FAM13C: variants seen among roughly 807,000 people sequenced by gnomAD.
FAM13C encodes family with sequence similarity 13 member C, also known as protein FAM13C.
A neutral mutation model predicts 73.2 loss-of-function variants in FAM13C; 37 were observed. The observed-to-expected ratio is 0.51, with a 90% CI of 0.39 to 0.67. The LOEUF (loss-of-function observed/expected upper bound fraction) is 0.67. Ranked by LOEUF, FAM13C falls within the 30% of genes least tolerant of loss-of-function variation. FAM13C has a pLI of 0.00. For missense variants in FAM13C, 589 were observed against 715.6 expected, an observed-to-expected ratio of 0.82 and a Z score of 2.02; for synonymous variants, 246 against 260.9, an observed-to-expected ratio of 0.94 and a Z score of 0.55.
intron 4 of FAM13C, among the ~76,000 whole-genome samples, chr10:59,317,896 T>C (rs1271162788): frequency 1.3e-5 from 2 of 151,532 alleles, no homozygotes; most frequent in Non-Finnish European, 2.9e-5. Context: ...CCTCCCCCCT[T>C]CCCCCACCCC....
rs989733259 is a variant in FAM13C at position 59,247,496 on chromosome 10, A to G, written c.*118T>C. 3 of 1,260,258 alleles carry G rather than the reference A, an allele frequency of 2.4e-6. No individual in the cohort carries two copies. The South Asian group carries it at 3.8e-5, about 16-fold the overall frequency. 78.1% of individuals were successfully genotyped at this position (1,260,258 alleles called of 1,614,324 possible). A position where few individuals can be genotyped will look rare whatever the true frequency, so the allele number is the denominator to read the frequency against. On this transcript the variant is annotated 3_prime_UTR_variant, in exon 14 of 14. Transcript: ENST00000618804. Reference sequence around the variant, plus strand: ...TGCTATTCCTTCTTAAAAACAGCTAATACTACCACTAAAGTGCTTCCATTT... The same window carrying G: ...TGCTATTCCTTCTTAAAAACAGCTAGTACTACCACTAAAGTGCTTCCATTT...
chr10:59,283,398 G>T lies in FAM13C; in HGVS notation c.557C>A (p.Thr186Asn), dbSNP rs772450195. The T allele has an allele frequency of 3.1e-6, 5 of 1,614,072 alleles. No homozygotes were observed. The African/African-American group carries it at 6.7e-5, about 22-fold the overall frequency. The change falls in exon 6 of 14, where the codon ACC becomes AAC. Residue 186 changes from threonine (T) to asparagine (N), a missense_variant. Physicochemically the swap from Thr to Asn is moderately conservative, Grantham distance 65 (BLOSUM62 0). Coordinates refer to ENST00000618804, the MANE Select transcript of FAM13C (RefSeq NM_198215.4). Reference protein sequence around the residue: ...HGVKDPAPASTQSVLADGTDS... With the variant: ...HGVKDPAPASNQSVLADGTDS... ...TGTCCCATCGGCAAGCACGCTCTGG[G>T]TTGATGCTGGCGCCGGGTCCTTGAC...
At chr10:59,342,352 G>A (rs1364431257) in intron 3 of FAM13C, among the ~76,000 whole-genome samples, 1 of 42,064 alleles carries the variant, frequency 2.4e-5, no homozygotes, top group Non-Finnish European at 4.5e-5. Flanking sequence ...ACCCTTTAAA[G>A]TTTGAACTAA....
rs1843545144 is a variant in FAM13C, at chr10:59,270,126, AATC to A, written c.593-20_593-18del. The A allele has an allele frequency of 6.2e-7, 1 of 1,609,376 alleles. No individual in the cohort carries two copies. The highest frequency in any genetic ancestry group is 1.3e-5 in the African/African-American group (1 of 74,806). On this transcript the variant is annotated intron_variant, in intron 6 of 13. Coordinates refer to ENST00000618804, the MANE Select transcript of FAM13C (RefSeq NM_198215.4). ...GTGAGGGGTCTGGGCAAATGAGACA[AATC>A]ATCAAGACTTAGAAGTGACAGAGGG...
intron 2 of FAM13C, among the ~76,000 whole-genome samples, chr10:59,353,232 C>T (rs138445549): frequency 9.2e-5 from 14 of 152,256 alleles, no homozygotes; most frequent in African/African-American, 2.6e-4. Flanking sequence ...ATCCCTACCC[C>T]CCTCCAGTTA....
chr10:59,332,184 T>C (rs1266348576), intron 3 of FAM13C, among the ~76,000 whole-genome samples: 3 of 152,120 alleles, frequency 2.0e-5, no homozygotes, highest in African/African-American at 7.2e-5. Flanking sequence ...ATAATGTATA[T>C]ATAGTAAGAA....
intron 3 of FAM13C, among the ~76,000 whole-genome samples, chr10:59,339,548 A>C (rs998627997): frequency 2.6e-5 from 4 of 152,120 alleles, no homozygotes; most frequent in Non-Finnish European, 4.4e-5. Flanking sequence ...CCAACAGTAC[A>C]TGGATGATAA....
intron 5 of FAM13C, among the ~76,000 whole-genome samples, chr10:59,296,493 G>T (rs187732875): frequency 3.9e-4 from 60 of 152,250 alleles, no homozygotes; most frequent in African/African-American, 1.2e-3. Flanking sequence ...TTTTCATATT[G>T]ATTTCAGGTA....
intron 5 of FAM13C, among the ~76,000 whole-genome samples, chr10:59,286,948 C>T (rs867319184): frequency 3.4e-4 from 51 of 148,876 alleles, no homozygotes; most frequent in African/African-American, 1.1e-3. Context: ...ACAGGAGAAT[C>T]GCTTGAACCC....
intron 4 of FAM13C, among the ~76,000 whole-genome samples, chr10:59,306,921 T>G (rs889530951): frequency 6.6e-6 from 1 of 152,138 alleles, no homozygotes; most frequent in African/African-American, 2.4e-5. Flanking sequence ...ACTGGAGAGT[T>G]AGAGACAGAT....
chr10:59,350,018 G>A (rs533200946), intron 3 of FAM13C, among the ~76,000 whole-genome samples: 14 of 152,174 alleles, frequency 9.2e-5, no homozygotes, highest in Admixed American at 5.9e-4. Context: ...ACATTCTTAC[G>A]GCAATAGGAT....
chr10:59,318,547 G>A (rs1201400128), intron 4 of FAM13C, among the ~76,000 whole-genome samples: 1 of 152,218 alleles, frequency 6.6e-6, no homozygotes, highest in South Asian at 2.1e-4. Flanking sequence ...GTTAGAGGAG[G>A]GGGCCCAGAA....
chr10:59,258,982 G>A (rs1842213466), intron 10 of FAM13C, among the ~76,000 whole-genome samples: 1 of 152,100 alleles, frequency 6.6e-6, no homozygotes, highest in Admixed American at 6.6e-5. Context: ...CCCACTTACA[G>A]TCCTTAGAAA....
intron 4 of FAM13C, among the ~76,000 whole-genome samples, chr10:59,321,636 A>T (rs1850314866): frequency 1.3e-5 from 2 of 152,002 alleles, no homozygotes; most frequent in South Asian, 4.2e-4. Flanking sequence ...ATAAATACAT[A>T]AAGGCTCCTT....
chr10:59,260,672 T>C (rs182567670), intron 10 of FAM13C, among the ~76,000 whole-genome samples: 2 of 152,302 alleles, frequency 1.3e-5, no homozygotes, highest in African/African-American at 2.4e-5. Context: ...TTATTTCTTG[T>C]TGTATCCCCA....
chr10:59,347,847 G>A (rs1467596288), intron 3 of FAM13C, among the ~76,000 whole-genome samples: 6 of 152,132 alleles, frequency 3.9e-5, no homozygotes, highest in African/African-American at 1.2e-4. Flanking sequence ...CCCTGCAAAG[G>A]ACATGAACTC....
chr10:59,335,776 G>A (rs1388188159), intron 3 of FAM13C, among the ~76,000 whole-genome samples: 1 of 152,170 alleles, frequency 6.6e-6, no homozygotes, highest in African/African-American at 2.4e-5. Flanking sequence ...GGGAAGGTAA[G>A]CCCAATGCAA....
At position 59,343,114 on chromosome 10, in the gene FAM13C, C is replaced by T. The variant is rs1249398471; in HGVS notation, c.324+9156G>A. Among the ~76,000 whole-genome samples, 6 of 152,176 alleles carry T rather than the reference C, an allele frequency of 3.9e-5. No homozygotes were observed. The East Asian group carries it at 9.6e-4, about 24-fold the overall frequency. On this transcript the variant is annotated intron_variant, in intron 3 of 13. Transcript: ENST00000618804. ...ACCCAAAATCACTCCAATCTTATAG[C>T]GAGAGCAAGACCACGATTATTCCTA...
intron 4 of FAM13C, among the ~76,000 whole-genome samples, chr10:59,304,810 G>GA: frequency 1.0e-5 from 1 of 98,600 alleles, no homozygotes; most frequent in Non-Finnish European, 2.2e-5. Flanking sequence ...GAAGGGAAGG[G>GA]AAGGAAAGGG....
Sources: allele counts gnomAD v4.1 joint callset (sites outside exome capture counted in the v4.1 genomes callset), GRCh38; gene constraint gnomAD v4.1.1; transcripts MANE v1.5; gene names NCBI Gene and HGNC (gene_info 2026-07-23, HGNC 2026-07-21).